Variants in SIPA1L3 observed in about 807,000 individuals in gnomAD.
SIPA1L3 encodes the protein signal-induced proliferation-associated 1-like protein 3.
A neutral mutation model predicts 150.1 loss-of-function variants in SIPA1L3; 59 were observed. The ratio of observed to expected loss-of-function variants is 0.39; its 90% CI spans 0.32 to 0.49. The LOEUF is 0.49. Among genes scored for constraint, SIPA1L3 ranks in the 20% least tolerant of loss-of-function variants. SIPA1L3 has a pLI of 0.86. For missense variants in SIPA1L3, 2,211 were observed against 2,489.5 expected (o/e 0.89, Z 2.38); for synonymous variants, 1,070 against 1,077.6 (o/e 0.99, Z 0.14).
intron 1 of SIPA1L3, among the ~76,000 whole-genome samples, chr19:37,922,260 G>GT: frequency 6.6e-6 from 1 of 151,590 alleles, no homozygotes; most frequent in Non-Finnish European, 1.5e-5. Context: ...TAATTTTTGT[G>GT]TTTTTTTAGT....
intron 11 of SIPA1L3, 127 bp downstream of exon 11, chr19:38,141,562 A>C: frequency 9.9e-7 from 1 of 1,010,916 alleles, no homozygotes; most frequent in Admixed American, 2.5e-5. Flanking sequence ...CTTCCTTCTT[A>C]TCCTTATGTC....
rs34881450 is a variant in SIPA1L3, at chr19:37,937,741, CAAAAAA to C, written c.-379+30401_-379+30406del. Among the ~76,000 whole-genome samples the C allele has an allele frequency of 4.8e-4, 9 of 18,676 alleles. 1 individual carries two copies. The East Asian group carries it at 8.7e-3, about 18-fold the overall frequency. The allele number at this position is 18,676 out of a possible 152,430, so 12.3% of individuals were successfully genotyped here. A position where few individuals can be genotyped will look rare whatever the true frequency, so the allele number is the denominator to read the frequency against. ...AGGGCGACAGAGTGAAACCCTGTCT[CAAAAAA>C]AAAAAAAAAAAAAAAAAGACCAGGC... On this transcript the variant is annotated intron_variant, in intron 1 of 21. Coordinates refer to ENST00000222345, the MANE Select transcript of SIPA1L3 (RefSeq NM_015073.3).
chr19:38,046,070 G>A lies in SIPA1L3; in HGVS notation c.-311+16914G>A, dbSNP rs182223473. Among the ~76,000 whole-genome samples, 140 of 152,228 alleles carry A rather than the reference G, an allele frequency of 9.2e-4. 4 individuals carry two copies. The East Asian group carries it at 0.025, about 27-fold the overall frequency. ...GGGTCACGTCAGAGACTCCAGAGCC[G>A]CCTCCACCACTGTGATTCCTTGAAG... On this transcript the variant is annotated intron_variant, in intron 2 of 21. Transcript: ENST00000222345. This position sits in a 1 kb window ranked among gnomAD's most constrained non-coding sequence, Gnocchi z 5.6.
In SIPA1L3 at chr19:38,164,831, C is replaced by T. The variant is rs776238096; in HGVS notation, c.4133C>T (p.Pro1378Leu). The change falls in exon 15 of 22, where the codon CCG becomes CTG. Residue 1378 changes from proline to leucine, a missense_variant. Pro to Leu is a moderately conservative substitution (Grantham distance 98). Around this residue, in one of 5 missense-constraint regions of SIPA1L3, gnomAD observed 806 missense variants for 870.1 expected, o/e 0.93. Coordinates refer to ENST00000222345, the MANE Select transcript of SIPA1L3 (RefSeq NM_015073.3). This position sits in a 1 kb window ranked among gnomAD's most constrained non-coding sequence, Gnocchi z 4.1. ...GCCGGCCAAAGCAAGGGCTACCGAC[C>T]GAAGCTGTACTCCTCCGGCTCCAGC... ...AVAGQSKGYR[P>L]KLYSSGSSTP... 51 of 1,605,754 alleles carry T rather than the reference C, an allele frequency of 3.2e-5. No individual in the cohort carries two copies. In the Admixed American group the frequency reaches 4.0e-4, roughly 13 times the overall value.
intron 1 of SIPA1L3, among the ~76,000 whole-genome samples, chr19:37,997,877 A>AAG (rs978784915): frequency 2.6e-5 from 4 of 151,814 alleles, no homozygotes; most frequent in African/African-American, 9.7e-5. Context: ...AAAAAAAAAA[A>AAG]AAAAGAAAAG....
intron 1 of SIPA1L3, among the ~76,000 whole-genome samples, chr19:37,960,643 G>C (rs1179469056): frequency 6.6e-6 from 1 of 151,638 alleles, no homozygotes; most frequent in African/African-American, 2.4e-5. Context: ...TCCTGACCTT[G>C]CAATCCGCCT....
Position 38,119,589 on chromosome 19 carries a change from G to C in SIPA1L3, c.2575G>C (p.Ala859Pro). ...LTSKKKEKTK[A>P]RAGAEQHSAG... ...CTCCAAGAAGAAGGAAAAGACAAAA[G>C]CACGGGCTGGCGCTGAGCAGCACAG... The change falls in exon 9 of 22, where the codon GCA becomes CCA. Residue 859 changes from alanine (A) to proline (P), a missense_variant. Transcript: ENST00000222345. The C allele has an allele frequency of 6.2e-7, 1 of 1,614,228 alleles. No homozygotes were observed. The highest frequency in any genetic ancestry group is 1.1e-5 in the South Asian group (1 of 91,086).
intron 1 of SIPA1L3, among the ~76,000 whole-genome samples, chr19:37,992,496 C>G (rs897780908): frequency 6.7e-6 from 1 of 149,192 alleles, no homozygotes; most frequent in Non-Finnish European, 1.5e-5. Flanking sequence ...ATTAAAAATA[C>G]AAAAATTTTC....
intron 1 of SIPA1L3, among the ~76,000 whole-genome samples, chr19:37,924,036 A>C (rs1381592408): frequency 6.6e-6 from 1 of 152,108 alleles, no homozygotes; most frequent in Non-Finnish European, 1.5e-5. Flanking sequence ...CGGCCTCCCA[A>C]GTGCTGGGAT....
intron 1 of SIPA1L3, among the ~76,000 whole-genome samples, chr19:37,970,356 C>T (rs758085901): frequency 5.9e-5 from 9 of 152,190 alleles, no homozygotes; most frequent in Admixed American, 2.0e-4. Flanking sequence ...TGGAGTACTA[C>T]GATTAACACA....
At chr19:38,136,004 C>G (rs778696947) in intron 10 of SIPA1L3, among the ~76,000 whole-genome samples, 45 of 151,804 alleles carry the variant, frequency 3.0e-4, no homozygotes, top group Non-Finnish European at 5.9e-4. Flanking sequence ...TGCATGGGGT[C>G]TTCCTCCTAC....
chr19:38,113,561 T>C (rs1400112076), intron 8 of SIPA1L3, among the ~76,000 whole-genome samples: 1 of 149,340 alleles, frequency 6.7e-6, no homozygotes, highest in African/African-American at 2.5e-5. Context: ...AAGGCTAGAG[T>C]GAGCCCCATT....
In SIPA1L3 at chr19:38,047,001, C is replaced by T. The variant is rs565006854; in HGVS notation, c.-311+17845C>T. ...GATGGGCTCCCCAGCCAGGCGTGGT[C>T]CCCACTGCTAAGTATGTTATAGGTG... On this transcript the variant is annotated intron_variant, in intron 2 of 21. Coordinates refer to ENST00000222345, the MANE Select transcript of SIPA1L3 (RefSeq NM_015073.3). The surrounding 1 kb of genome is among the most constrained non-coding windows in gnomAD (Gnocchi z 4.7). Among the ~76,000 whole-genome samples the T allele has an allele frequency of 1.3e-4, 20 of 152,280 alleles. No homozygotes were observed. Among genetic ancestry groups the T allele is most frequent in the African/African-American group, 4.8e-4 (20 of 41,558 alleles).
chr19:37,943,081 C>G (rs998553283), intron 1 of SIPA1L3, among the ~76,000 whole-genome samples: 1 of 142,120 alleles, frequency 7.0e-6, no homozygotes, highest in Non-Finnish European at 1.5e-5. Context: ...GCTGCATTGC[C>G]CAAGCTGGTA....
At chr19:37,975,106 C>T (rs571014067) in intron 1 of SIPA1L3, among the ~76,000 whole-genome samples, 7 of 152,284 alleles carry the variant, frequency 4.6e-5, no homozygotes, top group East Asian at 1.9e-4. Context: ...ACAGGAACAT[C>T]GTTAAGCAAA....
At chr19:37,957,982 G>A (rs1033095014) in intron 1 of SIPA1L3, among the ~76,000 whole-genome samples, 1 of 152,010 alleles carries the variant, frequency 6.6e-6, no homozygotes. Flanking sequence ...CAAAAGTGCT[G>A]GAATTACAGG....
chr19:38,137,932 A>G (rs1422437263), intron 10 of SIPA1L3, among the ~76,000 whole-genome samples: 1 of 151,988 alleles, frequency 6.6e-6, no homozygotes, highest in Non-Finnish European at 1.5e-5. Context: ...GGAGTTTGAG[A>G]CCAGCCTGGC....
intron 2 of SIPA1L3, among the ~76,000 whole-genome samples, chr19:38,049,775 C>G (rs571188100): frequency 1.2e-4 from 18 of 152,116 alleles, no homozygotes; most frequent in Non-Finnish European, 2.1e-4. Flanking sequence ...ACCCGCGTTC[C>G]CCCGAGAGCA....
intron 1 of SIPA1L3, among the ~76,000 whole-genome samples, chr19:37,991,749 A>G (rs1056044623): frequency 6.6e-6 from 1 of 152,098 alleles, no homozygotes; most frequent in African/African-American, 2.4e-5. Flanking sequence ...ATGACCCTCC[A>G]CCTGATGCTT....
Sources: gnomAD v4.1 joint callset for allele counts (sites outside exome capture counted in the v4.1 genomes callset) on GRCh38, gnomAD v4.1.1 for gene constraint, gnomAD v4.1.1 regional missense constraint, Gnocchi (gnomAD v3.1) non-coding constraint, MANE v1.5 for transcripts, NCBI Gene and HGNC (gene_info 2026-07-23, HGNC 2026-07-21) for gene names.